CDCA2: variants seen among roughly 807,000 people sequenced by gnomAD.
The protein encoded by CDCA2 is cell division cycle-associated protein 2.
CDCA2 carries 44 observed loss-of-function variants against 67.0 expected under a neutral mutation model. That is an observed-to-expected ratio of 0.66 (90% CI 0.52 to 0.84). CDCA2 has a LOEUF of 0.84. Among genes scored for constraint, CDCA2 ranks in the 40% least tolerant of loss-of-function variants. The probability of loss-of-function intolerance (pLI) is 0.00; values close to 1 mark genes in which losing one functional copy is unlikely to be tolerated. For missense variants in CDCA2, 1,253 were observed against 1,203.2 expected (o/e 1.04, Z -0.61); for synonymous variants, 447 against 418.7 (o/e 1.07, Z -0.82).
chr8:25,468,522 T>A, intron 6 of CDCA2, 109 bp downstream of exon 6: 2 of 664,304 alleles, frequency 3.0e-6, no homozygotes, highest in East Asian at 3.0e-5. Context: ...TTCTGCCCTG[T>A]GGTTCCTGGG....
At chr8:25,478,893 T>C (rs1201615164) in intron 7 of CDCA2, among the ~76,000 whole-genome samples, 5 of 128,120 alleles carry the variant, frequency 3.9e-5, no homozygotes, top group African/African-American at 1.5e-4. Context: ...TGTGTGTATA[T>C]ATATATATAT....
Position 25,462,085 on chromosome 8 carries a change from A to G in CDCA2, c.264A>G (p.Arg88=). 1 of 1,614,128 alleles carries G rather than the reference A, an allele frequency of 6.2e-7. No homozygotes were observed. The highest frequency in any genetic ancestry group is 2.2e-5 in the East Asian group (1 of 44,882). Residue 88 remains arginine (R), a synonymous_variant, in exon 4 of 15, where the codon AGA becomes AGG. Coordinates refer to ENST00000330560, the MANE Select transcript of CDCA2 (RefSeq NM_152562.4). ...CATCATCCTACCTTAAAAAATGTAG[A>G]CGACGTTCTGCAGTCGGTGCTCGGG... The part of the protein sequence containing the change: ...GKSSSYLKKC[R]RRSAVGARGS...
chr8:25,479,196 T>C (rs1803470713), intron 7 of CDCA2, among the ~76,000 whole-genome samples: 1 of 152,164 alleles, frequency 6.6e-6, no homozygotes, highest in Admixed American at 6.5e-5. Context: ...AGCATGGTTC[T>C]GTCCTGAGGA....
rs753059787 is a variant in CDCA2 at position 25,466,214 on chromosome 8, G to T, written c.427G>T (p.Glu143Ter). Residue 143 changes from glutamate to a stop codon, truncating the protein, a stop_gained, in exon 5 of 15, where the codon GAA becomes TAA. Transcript: ENST00000330560. LOFTEE classifies it high-confidence loss of function. ...ALYRNVNTLR[E>*]RISAFQSAFH... ...GTATCGAAATGTTAACACTTTAAGA[G>T]AACGAATATCAGCCTTCCAGTCAGC... is the stretch of plus-strand genomic sequence containing the variant. 1 of 1,611,424 alleles carries T rather than the reference G, an allele frequency of 6.2e-7. No homozygotes were observed.
intron 13 of CDCA2, among the ~76,000 whole-genome samples, chr8:25,496,931 G>A (rs914628467): frequency 5.9e-5 from 9 of 152,140 alleles, no homozygotes; most frequent in African/African-American, 2.2e-4. Context: ...GACCGAGGTG[G>A]TCTTTGATAT....
chr8:25,464,371 G>T (rs564118393), intron 4 of CDCA2, among the ~76,000 whole-genome samples: 1 of 152,304 alleles, frequency 6.6e-6, no homozygotes, highest in African/African-American at 2.4e-5. Flanking sequence ...AGCTGTGATT[G>T]TGCCACTGCA....
intron 13 of CDCA2, among the ~76,000 whole-genome samples, chr8:25,496,845 TA>T (rs1221334933): frequency 1.3e-5 from 2 of 152,326 alleles, no homozygotes; most frequent in East Asian, 3.9e-4. Flanking sequence ...CAAAGTCAAC[TA>T]AAAATATAGA....
intron 4 of CDCA2, among the ~76,000 whole-genome samples, chr8:25,465,861 C>T (rs189806516): frequency 1.1e-3 from 160 of 152,310 alleles, no homozygotes; most frequent in Non-Finnish European, 1.9e-3. Flanking sequence ...TCCAGCACAA[C>T]ATTTGGTAAA....
At chr8:25,467,006 C>T (rs76004805) in intron 5 of CDCA2, among the ~76,000 whole-genome samples, 5,964 of 131,636 alleles carry the variant, frequency 0.045, 158 homozygotes, top group South Asian at 0.11. Context: ...CGTGCTATTG[C>T]ACTCCAGCCT....
Position 25,479,916 on chromosome 8 carries a change from T to C in CDCA2, c.824T>C (p.Leu275Pro). The C allele has an allele frequency of 6.2e-7, 1 of 1,614,186 alleles. No homozygotes were observed. Reference sequence around the variant, plus strand: ...AGTTTACATGTTTATCTTGAAGCACTAAAGGTTGCTGACTGTGTAGTGGGC... The same window carrying C: ...AGTTTACATGTTTATCTTGAAGCACCAAAGGTTGCTGACTGTGTAGTGGGC... ...LSELTETSNA[L>P]KVADCVVGKG... Residue 275 changes from leucine to proline, a missense_variant, in exon 8 of 15, where the codon CTA (leucine) becomes CCA (proline). Physicochemically the swap from Leu to Pro is moderately conservative, Grantham distance 98. Transcript: ENST00000330560.
intron 6 of CDCA2, among the ~76,000 whole-genome samples, chr8:25,468,830 G>A (rs963427893): frequency 6.6e-6 from 1 of 152,102 alleles, no homozygotes; most frequent in African/African-American, 2.4e-5. Context: ...GAGATTCTGT[G>A]TGGGGTGTAC....
chr8:25,462,886 G>T (rs1366709305), intron 4 of CDCA2, among the ~76,000 whole-genome samples: 1 of 152,106 alleles, frequency 6.6e-6, no homozygotes, highest in African/African-American at 2.4e-5. Context: ...TCACTATGTT[G>T]CCCAGGCTTA....
upstream of CDCA2, chr8:25,459,185 G>A (rs1468644998): frequency 6.6e-6 from 1 of 152,452 alleles, no homozygotes; most frequent in Non-Finnish European, 1.5e-5. Flanking sequence ...TCGGTACCGA[G>A]GGGCGGGGTC....
intron 8 of CDCA2, among the ~76,000 whole-genome samples, chr8:25,480,820 A>T (rs924414997): frequency 1.1e-4 from 16 of 152,202 alleles, no homozygotes; most frequent in Non-Finnish European, 1.9e-4. Flanking sequence ...CTTGACTTGG[A>T]AATGTAATCA....
chr8:25,480,163 A>G, intron 8 of CDCA2, 39 bp downstream of exon 8: 1 of 1,525,458 alleles, frequency 6.6e-7, no homozygotes, highest in Non-Finnish European at 9.0e-7. Flanking sequence ...AAATGAATAA[A>G]AATGCATTTT....
Position 25,506,496 on chromosome 8 carries a change from T to G in CDCA2, c.1844-14T>G. 1 of 1,532,706 alleles carries G rather than the reference T, an allele frequency of 6.5e-7. No individual in the cohort carries two copies. The highest frequency in any genetic ancestry group is 8.7e-7 in the Non-Finnish European group (1 of 1,144,922). 94.9% of individuals were successfully genotyped at this position (1,532,706 alleles called of 1,614,324 possible). A position where few individuals can be genotyped will look rare whatever the true frequency, so the allele number is the denominator to read the frequency against. On this transcript the variant is annotated splice_polypyrimidine_tract_variant and intron_variant, in intron 14 of 14. Coordinates refer to ENST00000330560, the MANE Select transcript of CDCA2 (RefSeq NM_152562.4). ...ACTTTTTAATTAGATTTAAACCTAT[T>G]TACATGCCCATAGGTTATTTCAGTT...
At position 25,483,956 on chromosome 8, in the gene CDCA2, C is replaced by T; in HGVS notation, c.1121-10C>T. 12 of 1,605,500 alleles carry T rather than the reference C, an allele frequency of 7.5e-6. No homozygotes were observed. The highest frequency in any genetic ancestry group is 1.0e-5 in the Non-Finnish European group (12 of 1,173,720). On this transcript the variant is annotated splice_polypyrimidine_tract_variant and intron_variant, in intron 9 of 14. Coordinates refer to ENST00000330560, the MANE Select transcript of CDCA2 (RefSeq NM_152562.4). ...TTTTTAAGTTACTCTCATTTATTGT[C>T]TAATTATAGAAGATGAAGAAAATTT...
intron 5 of CDCA2, among the ~76,000 whole-genome samples, chr8:25,467,155 C>CT (rs914152568): frequency 1.8e-3 from 257 of 143,532 alleles, no homozygotes; most frequent in African/African-American, 3.3e-3. Flanking sequence ...TTTTTTCAGT[C>CT]TTTTTTTTTT....
intron 13 of CDCA2, among the ~76,000 whole-genome samples, chr8:25,493,175 G>A (rs896560215): frequency 6.6e-6 from 1 of 152,116 alleles, no homozygotes; most frequent in African/African-American, 2.4e-5. Flanking sequence ...AAATATAAAA[G>A]TTCAATGTTT....
Sources: allele counts gnomAD v4.1 joint callset (sites outside exome capture counted in the v4.1 genomes callset), GRCh38; gene constraint gnomAD v4.1.1; transcripts MANE v1.5; gene names NCBI Gene and HGNC (gene_info 2026-07-23, HGNC 2026-07-21).